ZNF521: variants seen among roughly 807,000 people sequenced by gnomAD.
ZNF521 encodes the protein LYST-interacting protein 3.
In ZNF521, 14 loss-of-function variants were observed where a neutral mutation model predicts 105.5. That is an observed-to-expected ratio of 0.13 (90% CI 0.09 to 0.21). The LOEUF is 0.21. Among genes scored for constraint, ZNF521 ranks in the 10% least tolerant of loss-of-function variants. ZNF521 has a pLI of 1.00. For missense variants in ZNF521, 1,233 were observed against 1,629.7 expected (o/e 0.76, Z 4.19); for synonymous variants, 635 against 606.0 (o/e 1.05, Z -0.70).
intron 4 of ZNF521, among the ~76,000 whole-genome samples, chr18:25,205,841 C>G (rs890941131): frequency 6.6e-6 from 1 of 152,074 alleles, no homozygotes; most frequent in African/African-American, 2.4e-5. Context: ...TCACAAATTT[C>G]AAAAGGATAA....
intron 3 of ZNF521, among the ~76,000 whole-genome samples, chr18:25,300,121 A>G (rs1911551473): frequency 6.6e-6 from 1 of 152,176 alleles, no homozygotes; most frequent in Non-Finnish European, 1.5e-5. Flanking sequence ...TGTGAAAGCC[A>G]GACGAGACAT....
At chr18:25,305,000 A>G (rs7239673) in intron 3 of ZNF521, among the ~76,000 whole-genome samples, 56,914 of 152,106 alleles carry the variant, frequency 0.37, 10,830 homozygotes, top group Admixed American at 0.43. Context: ...ACACTAACAC[A>G]TATACTATAA....
At chr18:25,140,058 G>C (rs1177503582) in intron 5 of ZNF521, among the ~76,000 whole-genome samples, 2 of 152,120 alleles carry the variant, frequency 1.3e-5, no homozygotes, top group African/African-American at 4.8e-5. Flanking sequence ...ATTTTCTGTT[G>C]CTTATAAGCC....
intron 3 of ZNF521, among the ~76,000 whole-genome samples, chr18:25,257,786 A>C (rs1908621772): frequency 6.6e-6 from 1 of 152,184 alleles, no homozygotes; most frequent in Non-Finnish European, 1.5e-5. Context: ...GAAGAGATAC[A>C]AAGGAAGGGT....
At chr18:25,168,500 A>T (rs942837761) in intron 5 of ZNF521, among the ~76,000 whole-genome samples, 1 of 152,170 alleles carries the variant, frequency 6.6e-6, no homozygotes, top group African/African-American at 2.4e-5. Context: ...GGTCCCAAAC[A>T]CATACCAGGA....
chr18:25,198,684 T>C (rs1176565426), intron 4 of ZNF521, among the ~76,000 whole-genome samples: 1 of 151,848 alleles, frequency 6.6e-6, no homozygotes, highest in Non-Finnish European at 1.5e-5. Flanking sequence ...AAATTGGCAA[T>C]GAAAGGGTCA....
At chr18:25,138,931 T>C (rs1448625089) in intron 5 of ZNF521, among the ~76,000 whole-genome samples, 1 of 152,158 alleles carries the variant, frequency 6.6e-6, no homozygotes. Flanking sequence ...GTCCAGCAAG[T>C]AAGGACATTG....
chr18:25,351,413 G>A (rs544807385), intron 1 of ZNF521: 3 of 150,624 alleles, frequency 2.0e-5, no homozygotes, highest in South Asian at 2.1e-4. Flanking sequence ...AAGCGTCTGG[G>A]TGATTTTTTT....
intron 3 of ZNF521, among the ~76,000 whole-genome samples, chr18:25,256,748 G>C (rs1908536983): frequency 6.6e-6 from 1 of 151,968 alleles, no homozygotes; most frequent in Non-Finnish European, 1.5e-5. Flanking sequence ...GACAAGAACA[G>C]AGCTAGGAAG....
intron 5 of ZNF521, among the ~76,000 whole-genome samples, chr18:25,128,990 G>A (rs1334795866): frequency 6.6e-6 from 1 of 151,736 alleles, no homozygotes; most frequent in Non-Finnish European, 1.5e-5. Context: ...AACCAGAATA[G>A]CCAAAATGAT....
At chr18:25,236,602 G>A (rs755779329) in intron 3 of ZNF521, among the ~76,000 whole-genome samples, 2 of 151,654 alleles carry the variant, frequency 1.3e-5, no homozygotes, top group Non-Finnish European at 2.9e-5. Flanking sequence ...TCATGCATAA[G>A]AAAGACTCTA....
rs746261143 is a variant in ZNF521 at position 25,227,261 on chromosome 18, T to C, written c.657A>G (p.Gly219=). The C allele has an allele frequency of 6.2e-7, 1 of 1,614,116 alleles. No individual in the cohort carries two copies. Among genetic ancestry groups the C allele is most frequent in the Non-Finnish European group, 8.5e-7 (1 of 1,180,012 alleles). Residue 219 remains glycine, a synonymous_variant, in exon 4 of 8, where the codon GGA becomes GGG. Transcript: ENST00000361524. This position sits in a 1 kb window ranked among gnomAD's most constrained non-coding sequence, Gnocchi z 5.7. ...TGTTCCTCTCATGAACCTGCATGTG[T>C]CCGTGTAAGGAACTAGAGGACAGAA... ...RGFLSSSSLH[G]HMQVHERNKD...
intron 3 of ZNF521, among the ~76,000 whole-genome samples, chr18:25,238,199 T>C (rs1907056941): frequency 6.6e-6 from 1 of 152,202 alleles, no homozygotes; most frequent in African/African-American, 2.4e-5. Context: ...TGCTGAGTTT[T>C]TATGGGTAAA....
At chr18:25,321,820 G>T (rs1912946607) in intron 3 of ZNF521, among the ~76,000 whole-genome samples, 188 bp downstream of exon 3, 1 of 152,168 alleles carries the variant, frequency 6.6e-6, no homozygotes, top group Non-Finnish European at 1.5e-5. Context: ...CAAAATCTAA[G>T]AGGGCTGTGA....
At chr18:25,325,974 G>A (rs954872264) in intron 2 of ZNF521, among the ~76,000 whole-genome samples, 1 of 152,036 alleles carries the variant, frequency 6.6e-6, no homozygotes, top group Admixed American at 6.6e-5. Context: ...TTACAACTGT[G>A]GGGAAAATGA....
chr18:25,273,838 A>G (rs570817135), intron 3 of ZNF521, among the ~76,000 whole-genome samples: 14 of 152,318 alleles, frequency 9.2e-5, no homozygotes, highest in Admixed American at 6.5e-4. Context: ...CCACCTGTCC[A>G]TAACGGCTAA....
At chr18:25,276,365 T>A (rs1322192571) in intron 3 of ZNF521, among the ~76,000 whole-genome samples, 1 of 152,160 alleles carries the variant, frequency 6.6e-6, no homozygotes. Context: ...ACAAAATTAA[T>A]CCCACTTGTG....
chr18:25,277,807 A>C (rs1244479425), intron 3 of ZNF521, among the ~76,000 whole-genome samples: 1 of 152,232 alleles, frequency 6.6e-6, no homozygotes, highest in Non-Finnish European at 1.5e-5. Flanking sequence ...TAAGGAGTCA[A>C]AGATGATGAG....
chr18:25,134,926 G>A (rs1366250676), intron 5 of ZNF521, among the ~76,000 whole-genome samples: 1 of 151,966 alleles, frequency 6.6e-6, no homozygotes, highest in African/African-American at 2.4e-5. Context: ...CAGAATGTAC[G>A]GCCCCATAAC....
Sources: gnomAD v4.1 joint callset for allele counts (sites outside exome capture counted in the v4.1 genomes callset) on GRCh38, gnomAD v4.1.1 for gene constraint, Gnocchi (gnomAD v3.1) non-coding constraint, MANE v1.5 for transcripts, NCBI Gene and HGNC (gene_info 2026-07-23, HGNC 2026-07-21) for gene names.